Variants in SLC25A48 observed in about 807,000 individuals in gnomAD.
SLC25A48 encodes the protein CTC-321K16.1.
SLC25A48 carries 29 observed loss-of-function variants against 32.2 expected under a neutral mutation model. That is an observed-to-expected ratio of 0.90 (90% CI 0.67 to 1.23). The LOEUF (loss-of-function observed/expected upper bound fraction) is 1.23, where lower values mean the gene tolerates loss of function less well. Among genes scored for constraint, SLC25A48 ranks in the 50% most tolerant of loss-of-function variants. The probability of loss-of-function intolerance (pLI) is 0.00; values close to 1 mark genes in which losing one functional copy is unlikely to be tolerated. For missense variants in SLC25A48, 399 were observed against 422.7 expected, an observed-to-expected ratio of 0.94 and a Z score of 0.49; for synonymous variants, 164 against 172.3, an observed-to-expected ratio of 0.95 and a Z score of 0.38.
chr5:135,717,931 T>C (rs1754846027), intron 3 of SLC25A48, among the ~76,000 whole-genome samples: 1 of 152,170 alleles, frequency 6.6e-6, no homozygotes, highest in African/African-American at 2.4e-5. Flanking sequence ...CCTCTCTGCT[T>C]GTCTCTCAGC....
chr5:135,619,717 G>C (rs969418734), intron 1 of SLC25A48, among the ~76,000 whole-genome samples: 1 of 151,916 alleles, frequency 6.6e-6, no homozygotes, highest in Non-Finnish European at 1.5e-5. Context: ...TTGATTCTGG[G>C]TGTGTTCAAT....
intron 6 of SLC25A48, chr5:135,874,638 C>A: frequency 1.4e-6 from 1 of 697,012 alleles, no homozygotes. Context: ...GAGCCCTGAC[C>A]CCAGACCTCT....
chr5:135,754,114 A>G (rs1755837328), intron 3 of SLC25A48, among the ~76,000 whole-genome samples: 1 of 151,838 alleles, frequency 6.6e-6, no homozygotes, highest in Non-Finnish European at 1.5e-5. Context: ...CAAGGATATT[A>G]TGCAGGACAG....
intron 1 of SLC25A48, among the ~76,000 whole-genome samples, chr5:135,583,658 G>A (rs1378488305): frequency 6.6e-6 from 1 of 151,596 alleles, no homozygotes; most frequent in Non-Finnish European, 1.5e-5. Context: ...CTGTCTCTGT[G>A]TCCTGTACCT....
At chr5:135,706,778 G>A (rs76417024) in intron 3 of SLC25A48, among the ~76,000 whole-genome samples, 4 of 152,312 alleles carry the variant, frequency 2.6e-5, no homozygotes, top group Admixed American at 6.5e-5. Flanking sequence ...TCATCTCCCC[G>A]ATTGGGTCTG....
At chr5:135,881,010 C>T (rs990144310) in intron 7 of SLC25A48, among the ~76,000 whole-genome samples, 1 of 152,016 alleles carries the variant, frequency 6.6e-6, no homozygotes. Flanking sequence ...GCTGCGCTGT[C>T]CCTACCTTTG....
intron 3 of SLC25A48, among the ~76,000 whole-genome samples, chr5:135,757,894 G>A (rs1755957837): frequency 6.7e-6 from 1 of 150,216 alleles, no homozygotes; most frequent in South Asian, 2.1e-4. Context: ...ATGATATATT[G>A]TGTAGGGTTA....
intron 3 of SLC25A48, among the ~76,000 whole-genome samples, chr5:135,723,380 T>A (rs113543289): frequency 0.055 from 6,113 of 111,424 alleles, 160 homozygotes; most frequent in African/African-American, 0.087. Context: ...TCTCTCTCTC[T>A]CACACACACA....
At chr5:135,781,117 A>G (rs115125489) in intron 3 of SLC25A48, among the ~76,000 whole-genome samples, 1,848 of 116,064 alleles carry the variant, frequency 0.016, 261 homozygotes, top group African/African-American at 0.046. Flanking sequence ...TACTTGCAAC[A>G]TTGCAGGGGG....
intron 3 of SLC25A48, among the ~76,000 whole-genome samples, chr5:135,755,022 GATAA>G (rs1370337893): frequency 1.3e-5 from 2 of 151,236 alleles, no homozygotes; most frequent in Non-Finnish European, 3.0e-5. Flanking sequence ...CTCTGATATT[GATAA>G]TATCCAGTGT....
intron 3 of SLC25A48, among the ~76,000 whole-genome samples, chr5:135,753,190 A>G (rs1344118924): frequency 6.6e-6 from 1 of 152,008 alleles, no homozygotes. Context: ...TCTTGAGGAT[A>G]TTTTATGCAT....
chr5:135,736,236 C>G (rs946356093), intron 3 of SLC25A48, among the ~76,000 whole-genome samples: 1 of 152,072 alleles, frequency 6.6e-6, no homozygotes, highest in Non-Finnish European at 1.5e-5. Context: ...TGAAAAATGC[C>G]TGGATGTAAG....
At chr5:135,768,513 A>G (rs1756308871) in intron 3 of SLC25A48, among the ~76,000 whole-genome samples, 1 of 150,928 alleles carries the variant, frequency 6.6e-6, no homozygotes, top group African/African-American at 2.4e-5. Context: ...TGTCTGGGGG[A>G]GGGGAGGATA....
intron 3 of SLC25A48, among the ~76,000 whole-genome samples, chr5:135,810,003 CG>C (rs908740973): frequency 3.3e-5 from 5 of 152,084 alleles, no homozygotes; most frequent in Non-Finnish European, 7.3e-5. Context: ...GTGCCCAGCT[CG>C]TTTTAAAATT....
chr5:135,860,405 C>T (rs139675582), intron 4 of SLC25A48, among the ~76,000 whole-genome samples: 89 of 152,320 alleles, frequency 5.8e-4, no homozygotes, highest in African/African-American at 2.1e-3. Context: ...GTGTAAGCTT[C>T]AGTGTCTGAG....
chr5:135,675,048 T>A (rs1485785894), intron 3 of SLC25A48, among the ~76,000 whole-genome samples: 1 of 151,824 alleles, frequency 6.6e-6, no homozygotes, highest in Admixed American at 6.6e-5. Context: ...TAATAGCTAT[T>A]CTAACTGGGG....
At chr5:135,631,751 T>A (rs1003240613) in intron 2 of SLC25A48, among the ~76,000 whole-genome samples, 3 of 152,198 alleles carry the variant, frequency 2.0e-5, no homozygotes, top group African/African-American at 7.2e-5. Flanking sequence ...GTTTTGAGGA[T>A]GATTCATTTA....
chr5:135,720,456 C>G (rs1754925296), intron 3 of SLC25A48, among the ~76,000 whole-genome samples: 1 of 152,186 alleles, frequency 6.6e-6, no homozygotes, highest in Non-Finnish European at 1.5e-5. Flanking sequence ...ACTGTGCCAC[C>G]CCTTTGGTGA....
At chr5:135,806,913 ATATTT>A (rs1220492028) in intron 3 of SLC25A48, among the ~76,000 whole-genome samples, 1 of 147,500 alleles carries the variant, frequency 6.8e-6, no homozygotes, top group Non-Finnish European at 1.5e-5. Flanking sequence ...AATGTCATTG[ATATTT>A]TATTAATATC....
Sources: allele counts gnomAD v4.1 joint callset (sites outside exome capture counted in the v4.1 genomes callset), GRCh38; gene constraint gnomAD v4.1.1; transcripts MANE v1.5; gene names NCBI Gene and HGNC (gene_info 2026-07-23, HGNC 2026-07-21).